FREM1: variants seen among roughly 807,000 people sequenced by gnomAD.
The protein encoded by FREM1 is FRAS1 related extracellular matrix 1.
A neutral mutation model predicts 210.1 loss-of-function variants in FREM1; 220 were observed. The ratio of observed to expected loss-of-function variants is 1.05; its 90% CI spans 0.94 to 1.17. The LOEUF is 1.17. FREM1 is among the 50% of genes most tolerant of loss of function. The pLI is 0.00. For synonymous variants in FREM1, 1,189 were observed against 980.2 expected, an observed-to-expected ratio of 1.21 and a Z score of -3.98; for missense variants, 3,454 against 2,675.5, an observed-to-expected ratio of 1.29 and a Z score of -6.42.
intron 12 of FREM1, 119 bp from the exon 13 acceptor site, chr9:14,823,446 A>G (rs557395540): frequency 1.2e-6 from 1 of 822,270 alleles, no homozygotes; most frequent in East Asian, 2.6e-5. Flanking sequence ...CACCATCATC[A>G]CTTTGAAGAT....
chr9:14,878,916 G>C (rs1834275326), intron 1 of FREM1, among the ~76,000 whole-genome samples: 1 of 152,076 alleles, frequency 6.6e-6, no homozygotes, highest in Non-Finnish European at 1.5e-5. Context: ...AGTACTTGGG[G>C]AGGCCGAGGC....
intron 1 of FREM1, among the ~76,000 whole-genome samples, chr9:14,882,181 T>A (rs1834913324): frequency 6.6e-6 from 1 of 152,206 alleles, no homozygotes; most frequent in African/African-American, 2.4e-5. Flanking sequence ...TTCAAGTTTT[T>A]GTATTAATTT....
intron 5 of FREM1, among the ~76,000 whole-genome samples, chr9:14,856,214 G>C (rs557426757): frequency 6.9e-4 from 105 of 152,294 alleles, no homozygotes; most frequent in Middle Eastern, 6.8e-3. Context: ...CCCACTTTAA[G>C]TTGAAGAAAA....
chr9:14,768,755 G>C (rs558349728), intron 27 of FREM1, among the ~76,000 whole-genome samples: 1 of 152,228 alleles, frequency 6.6e-6, no homozygotes, highest in Admixed American at 6.5e-5. Flanking sequence ...AAAAGAAAAT[G>C]CAAGAATTCT....
intron 6 of FREM1, among the ~76,000 whole-genome samples, chr9:14,849,099 G>A (rs1447733652): frequency 6.6e-6 from 1 of 152,186 alleles, no homozygotes; most frequent in Admixed American, 6.5e-5. Flanking sequence ...CTCAAAGGTG[G>A]AGGATCTAGA....
chr9:14,821,819 C>G (rs966213485), intron 13 of FREM1, among the ~76,000 whole-genome samples: 1 of 152,174 alleles, frequency 6.6e-6, no homozygotes, highest in Non-Finnish European at 1.5e-5. Flanking sequence ...ATTAGATCTG[C>G]CAGAGTTTCA....
chr9:14,823,088 A>G, intron 13 of FREM1, 72 bp downstream of exon 13: 1 of 1,166,476 alleles, frequency 8.6e-7, no homozygotes. Flanking sequence ...GAAAGTTACC[A>G]TTTCTAGTAG....
Position 14,819,332 on chromosome 9 carries a change from C to T in FREM1, c.2448G>A (p.Leu816=). The change falls in exon 14 of 37, where the codon CTG becomes CTA. Residue 816 remains leucine (L), a synonymous_variant. Coordinates refer to ENST00000380880, the MANE Select transcript of FREM1 (RefSeq NM_001379081.2). ...CCCTTCCGTGCAGAGGCAATTCCCG[C>T]AGGGAGAGGTCAATATTGTCCAGCT... ...DTKLDNIDLS[L]RELPLHGRVE... The T allele has an allele frequency of 6.2e-7, 1 of 1,613,828 alleles. No individual in the cohort carries two copies. Among genetic ancestry groups the T allele is most frequent in the Non-Finnish European group, 8.5e-7 (1 of 1,179,746 alleles).
intron 1 of FREM1, among the ~76,000 whole-genome samples, chr9:14,899,773 G>C (rs909460412): frequency 1.3e-5 from 2 of 152,184 alleles, no homozygotes. Context: ...TATCCAGATA[G>C]GCTGACAAAT....
chr9:14,770,638 G>C lies in FREM1; in HGVS notation c.5026C>G (p.Pro1676Ala). ...DQIIFKILQGPKHGHLENTTT... is the reference protein window; with the variant it reads ...DQIIFKILQGAKHGHLENTTT... Reference sequence around the variant, plus strand: ...GTGTTCTCCAGATGTCCATGTTTTGGGCCTTGTAGAATTTTAAAGATGATC... The same window carrying C: ...GTGTTCTCCAGATGTCCATGTTTTGCGCCTTGTAGAATTTTAAAGATGATC... Residue 1676 changes from proline (P) to alanine (A), a missense_variant, in exon 26 of 37, where the codon CCA becomes GCA. Physicochemically the swap from Pro to Ala is conservative, Grantham distance 27. Coordinates refer to ENST00000380880, the MANE Select transcript of FREM1 (RefSeq NM_001379081.2). 1 of 1,613,276 alleles carries C rather than the reference G, an allele frequency of 6.2e-7. No individual in the cohort carries two copies. Among genetic ancestry groups the C allele is most frequent in the Non-Finnish European group, 8.5e-7 (1 of 1,179,482 alleles).
intron 1 of FREM1, among the ~76,000 whole-genome samples, chr9:14,895,705 A>G (rs1289689620): frequency 6.6e-6 from 1 of 152,042 alleles, no homozygotes; most frequent in Non-Finnish European, 1.5e-5. Context: ...AACATTTATT[A>G]ATCTTCTAGA....
At chr9:14,809,879 GATGTATGTATGTATGT>G (rs111568448) in intron 16 of FREM1, among the ~76,000 whole-genome samples, 5 of 150,360 alleles carry the variant, frequency 3.3e-5, no homozygotes, top group East Asian at 2.0e-4. Context: ...GAATAGCACA[GATGTATGTATGTATGT>G]ATGTATGTAT....
At chr9:14,812,253 A>G (rs1340030705) in intron 16 of FREM1, among the ~76,000 whole-genome samples, 8 of 152,192 alleles carry the variant, frequency 5.3e-5, no homozygotes, top group African/African-American at 9.7e-5. Context: ...AACATAAAGC[A>G]ATGCCAAAAA....
intron 1 of FREM1, among the ~76,000 whole-genome samples, chr9:14,873,671 G>A (rs1833151821): frequency 6.6e-6 from 1 of 152,040 alleles, no homozygotes; most frequent in African/African-American, 2.4e-5. Context: ...ATTTCCTTCA[G>A]TTCTGCTCTG....
rs748300385 is a variant in FREM1 at position 14,750,416 on chromosome 9, G to A, written c.5408-140C>T. On this transcript the variant is annotated intron_variant, in intron 29 of 36. Coordinates refer to ENST00000380880, the MANE Select transcript of FREM1 (RefSeq NM_001379081.2). ...ATTGTACTGCTACCAACTCACTGAA[G>A]TCCTGCTGTTCTCCCAAATAATATG... 543 of 599,768 alleles carry A rather than the reference G, an allele frequency of 9.1e-4. 3 individuals carry two copies. The highest frequency in any genetic ancestry group is 1.8e-3 in the Admixed American group (49 of 27,694). 37.2% of individuals were successfully genotyped at this position (599,768 alleles called of 1,614,324 possible).
chr9:14,835,950 C>A (rs1824505273), intron 10 of FREM1, among the ~76,000 whole-genome samples: 1 of 152,144 alleles, frequency 6.6e-6, no homozygotes, highest in Admixed American at 6.5e-5. Context: ...TGTGAATCAA[C>A]TGGTGATCTG....
chr9:14,773,558 A>G (rs1847984442), intron 25 of FREM1, among the ~76,000 whole-genome samples: 1 of 150,750 alleles, frequency 6.6e-6, no homozygotes, highest in Admixed American at 6.6e-5. Context: ...CTGGGGAATT[A>G]TGGGAGGAAT....
At chr9:14,879,311 G>A (rs918637201) in intron 1 of FREM1, among the ~76,000 whole-genome samples, 2 of 41,752 alleles carry the variant, frequency 4.8e-5, no homozygotes, top group Non-Finnish European at 7.2e-5. Context: ...ATAACACTGA[G>A]GTTGAGGAGG....
chr9:14,887,931 G>A (rs1402908896), intron 1 of FREM1, among the ~76,000 whole-genome samples: 2 of 152,100 alleles, frequency 1.3e-5, no homozygotes, highest in African/African-American at 2.4e-5. Flanking sequence ...CATAGTAGCT[G>A]GGACTACAGG....
Sources: gnomAD v4.1 joint callset for allele counts (sites outside exome capture counted in the v4.1 genomes callset) on GRCh38, gnomAD v4.1.1 for gene constraint, MANE v1.5 for transcripts, NCBI Gene and HGNC (gene_info 2026-07-23, HGNC 2026-07-21) for gene names.